The following NQO2 variants were observed in gnomAD, a reference collection of about 807,000 sequenced individuals.
The protein encoded by NQO2 is ribosyldihydronicotinamide dehydrogenase [quinone].
NQO2 carries 18 observed loss-of-function variants against 22.0 expected under a neutral mutation model. The observed-to-expected ratio is 0.82, with a 90% CI of 0.56 to 1.21. The LOEUF (loss-of-function observed/expected upper bound fraction) is 1.21, where lower values mean the gene tolerates loss of function less well. Among genes scored for constraint, NQO2 ranks in the 50% most tolerant of loss-of-function variants. NQO2 has a pLI of 0.00. For synonymous variants in NQO2, 106 were observed against 110.8 expected (o/e 0.96, Z 0.28); for missense variants, 267 against 286.9 (o/e 0.93, Z 0.50).
chr6:3,012,503 G>C, intron 3 of NQO2, 41 bp from the exon 4 acceptor site: 1 of 1,611,362 alleles, frequency 6.2e-7, no homozygotes, highest in African/African-American at 1.3e-5. Flanking sequence ...GGCTGTGGAT[G>C]CCCACCTAGG....
At chr6:3,007,072 T>A (rs1756975653) in intron 2 of NQO2, 1 of 391,110 alleles carries the variant, frequency 2.6e-6, no homozygotes, top group African/African-American at 2.1e-5. Context: ...AACGCACAGG[T>A]TCACCTTACT....
At chr6:3,008,043 C>G (rs1160547644) in intron 2 of NQO2, among the ~76,000 whole-genome samples, 1 of 152,140 alleles carries the variant, frequency 6.6e-6, no homozygotes, top group African/African-American at 2.4e-5. Flanking sequence ...TAATTTGACC[C>G]ATTGTATTGT....
chr6:3,012,948 T>G (rs1003960404), intron 4 of NQO2, among the ~76,000 whole-genome samples: 1 of 58,924 alleles, frequency 1.7e-5, no homozygotes, highest in Non-Finnish European at 3.1e-5. Context: ...TAACACTACT[T>G]TTTTTTTTTT....
chr6:3,007,290 A>C (rs192145547), intron 2 of NQO2, among the ~76,000 whole-genome samples: 5 of 152,322 alleles, frequency 3.3e-5, no homozygotes, highest in Admixed American at 3.3e-4. Flanking sequence ...AACGTCCCCT[A>C]GCAGGCACAA....
chr6:3,018,636 A>T (rs546833697), intron 6 of NQO2, among the ~76,000 whole-genome samples: 34 of 152,262 alleles, frequency 2.2e-4, no homozygotes, highest in African/African-American at 7.7e-4. Flanking sequence ...GTTTTAAAGG[A>T]AGTAATGCAG....
At chr6:3,005,910 AGTCT>A (rs1208525322) in intron 1 of NQO2, 2 of 642,112 alleles carry the variant, frequency 3.1e-6, no homozygotes, top group Non-Finnish European at 3.9e-6. Flanking sequence ...AATTGCACCA[AGTCT>A]GTCTGATGCG....
intron 6 of NQO2, 109 bp downstream of exon 6, chr6:3,017,094 C>G: frequency 1.5e-6 from 2 of 1,292,028 alleles, no homozygotes; most frequent in Non-Finnish European, 2.2e-6. Context: ...GCCCTCAGCT[C>G]CCCGAGGGGT....
At chr6:3,013,041 C>T (rs1382645295) in intron 4 of NQO2, among the ~76,000 whole-genome samples, 2 of 142,678 alleles carry the variant, frequency 1.4e-5, no homozygotes, top group East Asian at 2.1e-4. Flanking sequence ...CTGCAAGCTC[C>T]GCCTCCCGGG....
chr6:3,010,676 A>G (rs73718700), intron 3 of NQO2, among the ~76,000 whole-genome samples: 5,674 of 152,246 alleles, frequency 0.037, 118 homozygotes, highest in African/African-American at 0.055. Flanking sequence ...GGAGATGGGA[A>G]TATTGTCCCC....
In NQO2 at chr6:3,019,550, C is replaced by T. The variant is rs759512462; in HGVS notation, c.591C>T (p.Ser197=). 3.7e-5 allele frequency: 60 copies of T among 1,613,982 alleles called. No individual in the cohort carries two copies. Among genetic ancestry groups the T allele is most frequent in the Non-Finnish European group, 4.8e-5 (57 of 1,180,040 alleles). ...PQISFAPEIA[S]EEERKGMVAA... is the part of the protein sequence containing the mutation. ...TCAGCTTTGCTCCTGAAATTGCATC[C>T]GAAGAAGAAAGAAAGGGGATGGTGG... Residue 197 remains serine, a synonymous_variant, in exon 7 of 7, where the codon TCC becomes TCT. Transcript: ENST00000380455.
intron 4 of NQO2, 147 bp downstream of exon 4, chr6:3,012,821 TACA>T: frequency 2.6e-6 from 2 of 760,112 alleles, no homozygotes; most frequent in Non-Finnish European, 4.2e-6. Flanking sequence ...GTAACCTGGT[TACA>T]ACACCTAGTT....
chr6:3,015,090 T>C, intron 4 of NQO2: 1 of 1,291,850 alleles, frequency 7.7e-7, no homozygotes, highest in South Asian at 1.2e-5. Context: ...AACATGACTT[T>C]AGTTGGTGTC....
intron 2 of NQO2, among the ~76,000 whole-genome samples, chr6:3,008,446 G>A (rs59328709): frequency 0.037 from 5,621 of 150,652 alleles, 120 homozygotes; most frequent in African/African-American, 0.055. Flanking sequence ...AAAAAGGAAA[G>A]AAAAGAAAGT....
At chr6:3,019,249 TA>T in intron 6 of NQO2, 1 of 523,680 alleles carries the variant, frequency 1.9e-6, no homozygotes, top group Non-Finnish European at 2.4e-6. Context: ...ATTGCAGTTA[TA>T]AAAATAGAGC....
At chr6:3,007,608 G>C (rs1422023983) in intron 2 of NQO2, among the ~76,000 whole-genome samples, 1 of 152,222 alleles carries the variant, frequency 6.6e-6, no homozygotes, top group Non-Finnish European at 1.5e-5. Context: ...CTGCCTCCCA[G>C]ACGAAGTCAG....
chr6:3,010,724 G>A (rs1757110239), intron 3 of NQO2, among the ~76,000 whole-genome samples: 1 of 152,178 alleles, frequency 6.6e-6, no homozygotes, highest in Admixed American at 6.5e-5. Flanking sequence ...AGCCAAAGGA[G>A]ATGCCAAACC....
chr6:3,017,077 C>T, intron 6 of NQO2, 92 bp downstream of exon 6: 3 of 1,420,824 alleles, frequency 2.1e-6, no homozygotes, highest in East Asian at 2.5e-5. Flanking sequence ...CACGCACACA[C>T]ATACATGCCC....
intron 2 of NQO2, chr6:3,009,788 A>C (rs1757080448): frequency 7.3e-6 from 2 of 275,616 alleles, no homozygotes; most frequent in Non-Finnish European, 1.1e-5. Flanking sequence ...AATCACTTGA[A>C]CCTGGGAGGC....
rs187125176 is a variant in NQO2, at chr6:3,010,318, A to G, written c.172+129A>G. On this transcript the variant is annotated intron_variant, in intron 3 of 6. Coordinates refer to ENST00000380455, the MANE Select transcript of NQO2 (RefSeq NM_000904.6). ...AGCTTCACTTTCCAAAAACAAATAG[A>G]TAGCACTGGGATTATCACCAGCAGT... 9.0e-5 allele frequency: 65 copies of G among 724,628 alleles called. No individual in the cohort carries two copies. The African/African-American group carries it at 1.1e-3, about 12-fold the overall frequency. The allele number at this position is 724,628 out of a possible 1,614,324, so 44.9% of individuals were successfully genotyped here. A position where few individuals can be genotyped will look rare whatever the true frequency, so the allele number is the denominator to read the frequency against.
Sources: gnomAD v4.1 joint callset for allele counts (sites outside exome capture counted in the v4.1 genomes callset) on GRCh38, gnomAD v4.1.1 for gene constraint, MANE v1.5 for transcripts, NCBI Gene and HGNC (gene_info 2026-07-23, HGNC 2026-07-21) for gene names.